Variants in SIPA1L1 observed in about 807,000 individuals in gnomAD.
The protein encoded by SIPA1L1 is signal-induced proliferation-associated 1-like protein 1.
In SIPA1L1, 26 loss-of-function variants were observed where a neutral mutation model predicts 162.7. The ratio of observed to expected loss-of-function variants is 0.16; its 90% CI spans 0.12 to 0.22. The LOEUF (loss-of-function observed/expected upper bound fraction) is 0.22. Among genes scored for constraint, SIPA1L1 ranks in the 10% least tolerant of loss-of-function variants. The pLI is 1.00. For missense variants in SIPA1L1, 1,874 were observed against 2,241.0 expected (o/e 0.84, Z 3.31); for synonymous variants, 829 against 837.4 (o/e 0.99, Z 0.17).
intron 11 of SIPA1L1, among the ~76,000 whole-genome samples, chr14:71,671,930 T>C (rs2044570459): frequency 6.6e-6 from 1 of 151,768 alleles, no homozygotes; most frequent in Non-Finnish European, 1.5e-5. Flanking sequence ...TGTGTGTGTG[T>C]GTGTGTGTGT....
chr14:71,700,013 TTTATC>T (rs1566681991), intron 14 of SIPA1L1, among the ~76,000 whole-genome samples: 2 of 152,214 alleles, frequency 1.3e-5, no homozygotes, highest in Non-Finnish European at 1.5e-5. Context: ...TAGAACAAGT[TTTATC>T]TTAGCTCTTC....
intron 3 of SIPA1L1, among the ~76,000 whole-genome samples, chr14:71,523,729 T>G (rs1302332345): frequency 2.0e-5 from 3 of 152,252 alleles, no homozygotes; most frequent in East Asian, 3.8e-4. Flanking sequence ...GAGCTTGGCC[T>G]TCTCTTCCAT....
At position 71,724,840 on chromosome 14, in the gene SIPA1L1, A is replaced by C. The variant is rs566270220; in HGVS notation, c.4614+5A>C. ...GAATCACAGAAGAGTTTTAAGGTAC[A>C]AGACAGAGCTCAGGGTAGATGGCAA... is the stretch of plus-strand genomic sequence containing the variant. On this transcript the variant is annotated splice_donor_5th_base_variant and intron_variant, in intron 19 of 23. Transcript: ENST00000381232. 35 of 1,613,480 alleles carry C rather than the reference A, an allele frequency of 2.2e-5. No homozygotes were observed. In the South Asian group the frequency reaches 3.4e-4, roughly 16 times the overall value.
At chr14:71,673,885 C>T (rs1325618473) in intron 12 of SIPA1L1, among the ~76,000 whole-genome samples, 1 of 152,130 alleles carries the variant, frequency 6.6e-6, no homozygotes, top group Non-Finnish European at 1.5e-5. Flanking sequence ...TTTCTGGTTT[C>T]CCCAAGCATA....
chr14:71,370,648 C>T (rs912121708), intron 2 of SIPA1L1, among the ~76,000 whole-genome samples: 1 of 152,146 alleles, frequency 6.6e-6, no homozygotes, highest in Non-Finnish European at 1.5e-5. Context: ...TACATTATCT[C>T]ATTTCTTCAT....
chr14:71,522,671 A>T (rs1595889896), intron 3 of SIPA1L1, among the ~76,000 whole-genome samples: 1 of 149,222 alleles, frequency 6.7e-6, no homozygotes, highest in Non-Finnish European at 1.5e-5. Context: ...TCACTCTATC[A>T]TCTAAGCTTC....
At chr14:71,449,518 G>A (rs1227491719) in intron 2 of SIPA1L1, among the ~76,000 whole-genome samples, 1 of 152,104 alleles carries the variant, frequency 6.6e-6, no homozygotes, top group Non-Finnish European at 1.5e-5. Context: ...CTACACATCT[G>A]GTGACAGGGA....
rs1428587703 is a variant in SIPA1L1, at chr14:71,724,519, G to A, written c.4449-151G>A. On this transcript the variant is annotated intron_variant, in intron 18 of 23. Transcript: ENST00000381232. ...GTTTCTTCAGTAAGCGTTTATATGA[G>A]TAGATTCGCATATAAACAGAAGTAA... The A allele has an allele frequency of 5.3e-6, 3 of 566,950 alleles. No individual in the cohort carries two copies. The African/African-American group carries it at 5.8e-5, about 11-fold the overall frequency. The allele number at this position is 566,950 out of a possible 1,614,324, so 35.1% of individuals were successfully genotyped here.
intron 2 of SIPA1L1, among the ~76,000 whole-genome samples, chr14:71,384,927 G>A (rs2040200341): frequency 6.6e-6 from 1 of 152,174 alleles, no homozygotes; most frequent in African/African-American, 2.4e-5. Context: ...GAAGCACTCT[G>A]GCTGTGATGT....
At chr14:71,544,955 T>TG (rs1306261710) in intron 4 of SIPA1L1, among the ~76,000 whole-genome samples, 3 of 152,180 alleles carry the variant, frequency 2.0e-5, no homozygotes, top group African/African-American at 7.2e-5. Context: ...CTTGAATCCC[T>TG]GGGATTGAGT....
chr14:71,463,872 T>C (rs1220390047), intron 2 of SIPA1L1, among the ~76,000 whole-genome samples: 3 of 152,220 alleles, frequency 2.0e-5, no homozygotes, highest in Non-Finnish European at 4.4e-5. Flanking sequence ...GGAGTCAGAT[T>C]ATTCTGATTG....
At chr14:71,426,346 ATTTG>A (rs369981219) in intron 2 of SIPA1L1, among the ~76,000 whole-genome samples, 364 of 149,336 alleles carry the variant, frequency 2.4e-3, no homozygotes, top group African/African-American at 3.5e-3. Context: ...TGACTTTTGT[ATTTG>A]TTTGTTTGTT....
chr14:71,406,339 C>CT (rs1436514324), intron 2 of SIPA1L1, among the ~76,000 whole-genome samples: 4 of 151,826 alleles, frequency 2.6e-5, no homozygotes, highest in Non-Finnish European at 2.9e-5. Flanking sequence ...ACTTCTTTGC[C>CT]TTTTTTTTCA....
chr14:71,674,394 C>G (rs1032330760), intron 12 of SIPA1L1, among the ~76,000 whole-genome samples: 6 of 152,088 alleles, frequency 3.9e-5, no homozygotes, highest in South Asian at 2.1e-4. Context: ...AGGAGGAATA[C>G]TAGACTAGAT....
At chr14:71,735,550 G>A (rs2085208548) in intron 22 of SIPA1L1, 159 bp downstream of exon 22, 1 of 536,642 alleles carries the variant, frequency 1.9e-6, no homozygotes. Context: ...CTTTGTAACT[G>A]AATACTGTAG....
intron 5 of SIPA1L1, among the ~76,000 whole-genome samples, chr14:71,609,706 A>G (rs1426227866): frequency 2.6e-5 from 4 of 151,960 alleles, no homozygotes; most frequent in South Asian, 2.1e-4. Context: ...ACCTCAAGCA[A>G]TCCATCCACC....
At chr14:71,418,588 A>C (rs925977677) in intron 2 of SIPA1L1, among the ~76,000 whole-genome samples, 16 of 152,278 alleles carry the variant, frequency 1.1e-4, no homozygotes, top group African/African-American at 3.9e-4. Flanking sequence ...ACTGGAGAAG[A>C]AGCTTGGGAG....
rs1334743997 is a variant in SIPA1L1, at chr14:71,724,752, A to G, written c.4531A>G (p.Thr1511Ala). The change falls in exon 19 of 24, where the codon ACC (threonine) becomes GCC (alanine). Residue 1511 changes from threonine (T) to alanine (A), a missense_variant. This residue lies in a region of SIPA1L1 where 936 missense variants were observed against 1,051.9 expected (regional missense o/e 0.89). Transcript: ENST00000381232. ...TRDLRASPKP[T>A]SKSTIEEDLK... Reference sequence around the variant, plus strand: ...AGACCTCCGGGCATCTCCTAAGCCAACCTCCAAGTCCACCATTGAAGAAGA... The same window carrying G: ...AGACCTCCGGGCATCTCCTAAGCCAGCCTCCAAGTCCACCATTGAAGAAGA... 2.5e-6 allele frequency: 4 copies of G among 1,614,020 alleles called. No homozygotes were observed. The highest frequency in any genetic ancestry group is 1.1e-5 in the South Asian group (1 of 91,068).
intron 2 of SIPA1L1, among the ~76,000 whole-genome samples, chr14:71,508,204 A>G (rs1313023076): frequency 1.3e-5 from 2 of 152,240 alleles, no homozygotes; most frequent in Non-Finnish European, 2.9e-5. Flanking sequence ...GATTTTAAAA[A>G]ATGGAATTGA....
Sources: gnomAD v4.1 joint callset for allele counts (sites outside exome capture counted in the v4.1 genomes callset) on GRCh38, gnomAD v4.1.1 for gene constraint, gnomAD v4.1.1 regional missense constraint, MANE v1.5 for transcripts, NCBI Gene and HGNC (gene_info 2026-07-23, HGNC 2026-07-21) for gene names.